Variants in XPO4 observed in about 807,000 individuals in gnomAD.
XPO4 encodes the protein exportin 4.
A neutral mutation model predicts 143.0 loss-of-function variants in XPO4; 39 were observed. The observed-to-expected ratio is 0.27, with a 90% confidence interval of 0.21 to 0.36. The LOEUF (loss-of-function observed/expected upper bound fraction) is 0.36. XPO4 is among the 10% of genes least tolerant of loss of function. The probability of loss-of-function intolerance (pLI) is 1.00; values close to 1 mark genes in which losing one functional copy is unlikely to be tolerated. For synonymous variants in XPO4, 439 were observed against 474.0 expected, an observed-to-expected ratio of 0.93 and a Z score of 0.96; for missense variants, 907 against 1,348.0, an observed-to-expected ratio of 0.67 and a Z score of 5.12.
Position 20,866,144 on chromosome 13 carries a change from T to A in XPO4, c.175+2452A>T, listed in dbSNP as rs1020172073. On this transcript the variant is annotated intron_variant, in intron 2 of 22. Transcript: ENST00000255305. ...TAAAGGAACATTTGATCCTAAAAAA[T>A]TTAAATTACTAAGTGCCAAAGACTT... 4 of 985,226 alleles carry A rather than the reference T, an allele frequency of 4.1e-6. No homozygotes were observed. The African/African-American group carries it at 5.2e-5, about 13-fold the overall frequency. 61.0% of individuals were successfully genotyped at this position (985,226 alleles called of 1,614,324 possible).
intron 7 of XPO4, among the ~76,000 whole-genome samples, chr13:20,824,389 T>C (rs2059758124): frequency 6.6e-6 from 1 of 152,194 alleles, no homozygotes; most frequent in Non-Finnish European, 1.5e-5. Flanking sequence ...ACAATAAGAA[T>C]ACATCTCACA....
chr13:20,807,160 G>C (rs1397262901), intron 13 of XPO4, among the ~76,000 whole-genome samples: 1 of 152,080 alleles, frequency 6.6e-6, no homozygotes, highest in Non-Finnish European at 1.5e-5. Context: ...CTCTCTGATG[G>C]ACAGGCGTTA....
intron 1 of XPO4, among the ~76,000 whole-genome samples, chr13:20,901,447 T>C (rs2060619668): frequency 6.6e-6 from 1 of 152,138 alleles, no homozygotes; most frequent in South Asian, 2.1e-4. Context: ...TACAAAACGC[T>C]CTATGTCAGG....
At chr13:20,855,032 T>C (rs1226458894) in intron 4 of XPO4, among the ~76,000 whole-genome samples, 2 of 152,214 alleles carry the variant, frequency 1.3e-5, no homozygotes, top group African/African-American at 4.8e-5. Context: ...GCTAACAATA[T>C]TATGGCATAT....
chr13:20,883,697 C>G (rs1348516564), intron 1 of XPO4, among the ~76,000 whole-genome samples: 1 of 152,174 alleles, frequency 6.6e-6, no homozygotes, highest in Non-Finnish European at 1.5e-5. Context: ...AAAGAAAATA[C>G]TTCAAGTAAA....
At chr13:20,815,192 CAG>C (rs1030272940) in intron 9 of XPO4, among the ~76,000 whole-genome samples, 24 of 152,172 alleles carry the variant, frequency 1.6e-4, no homozygotes, top group African/African-American at 5.6e-4. Context: ...AGGCAGAACA[CAG>C]AGGATTTTCA....
chr13:20,891,519 G>C (rs1209915846), intron 1 of XPO4, among the ~76,000 whole-genome samples: 3 of 152,048 alleles, frequency 2.0e-5, no homozygotes, highest in Non-Finnish European at 4.4e-5. Flanking sequence ...TTTTATCTTT[G>C]CACTAACTCC....
intron 4 of XPO4, among the ~76,000 whole-genome samples, chr13:20,844,487 C>A (rs1055262280): frequency 6.6e-6 from 1 of 152,040 alleles, no homozygotes; most frequent in African/African-American, 2.4e-5. Flanking sequence ...TGATTTTATT[C>A]CCAGACTAAA....
chr13:20,899,307 A>G (rs890897600), intron 1 of XPO4, among the ~76,000 whole-genome samples: 8 of 151,914 alleles, frequency 5.3e-5, no homozygotes, highest in African/African-American at 1.9e-4. Context: ...CATTTATAGT[A>G]TATGTTGACT....
chr13:20,814,736 G>A (rs1313282876), intron 9 of XPO4, among the ~76,000 whole-genome samples: 1 of 152,232 alleles, frequency 6.6e-6, no homozygotes, highest in Non-Finnish European at 1.5e-5. Context: ...CTGCCAGAGA[G>A]GCTTTGGAGA....
intron 4 of XPO4, chr13:20,851,134 C>T: frequency 2.0e-6 from 2 of 985,178 alleles, no homozygotes; most frequent in Middle Eastern, 5.2e-4. Context: ...ATTCTTGAAC[C>T]ACTTACAAAT....
intron 1 of XPO4, among the ~76,000 whole-genome samples, chr13:20,882,321 C>T (rs1012845128): frequency 5.9e-5 from 9 of 152,136 alleles, no homozygotes; most frequent in Admixed American, 5.2e-4. Flanking sequence ...GTACCAACAT[C>T]TGCTCAGCTT....
At position 20,790,574 on chromosome 13, in the gene XPO4, A is replaced by G. The variant is rs760290607; in HGVS notation, c.2804T>C (p.Val935Ala). The G allele has an allele frequency of 6.2e-7, 1 of 1,613,146 alleles. No individual in the cohort carries two copies. The highest frequency in any genetic ancestry group is 1.7e-5 in the Admixed American group (1 of 59,974). ...TTGACCTGGCTCATGTCCTCTAAAC[A>G]CTTCATCTATTAAAATAAAAGGATG... ...EFIDFSDTDEVFRGHEPGQAA... is the reference protein window; with the variant it reads ...EFIDFSDTDEAFRGHEPGQAA... Residue 935 changes from valine to alanine, a missense_variant, in exon 19 of 23, where the codon GTG becomes GCG. Transcript: ENST00000255305.
intron 16 of XPO4, among the ~76,000 whole-genome samples, chr13:20,797,664 A>G (rs2059376026): frequency 6.6e-6 from 1 of 152,196 alleles, no homozygotes; most frequent in Non-Finnish European, 1.5e-5. Context: ...TAATTCCATT[A>G]CTGTGCCCCT....
In XPO4 at chr13:20,813,731, G is replaced by A. The variant is rs146096857; in HGVS notation, c.1174-3764C>T. 7.2e-3 allele frequency among the ~76,000 whole-genome samples: 1,094 copies of A among 152,236 alleles called. 5 individuals carry two copies. Among genetic ancestry groups the A allele is most frequent in the Admixed American group, 0.013 (192 of 15,298 alleles). On this transcript the variant is annotated intron_variant, in intron 9 of 22. Transcript: ENST00000255305. Reference sequence around the variant, plus strand: ...CCAGCACTTTGGAAGGCTGAAATAGGTGGATCACCTGAAATCAGGAGTTCA... The same window carrying A: ...CCAGCACTTTGGAAGGCTGAAATAGATGGATCACCTGAAATCAGGAGTTCA...
chr13:20,791,790 T>G (rs1210294229), intron 18 of XPO4, among the ~76,000 whole-genome samples: 1 of 152,218 alleles, frequency 6.6e-6, no homozygotes, highest in Non-Finnish European at 1.5e-5. Context: ...TTTTTTCTAT[T>G]AAGGGCATAT....
At chr13:20,784,084 A>G (rs529165971) in intron 22 of XPO4, among the ~76,000 whole-genome samples, 165 bp from the exon 23 acceptor site, 1 of 152,190 alleles carries the variant, frequency 6.6e-6, no homozygotes, top group Non-Finnish European at 1.5e-5. Flanking sequence ...AACCTTTTAC[A>G]TGGATTAATT....
In XPO4 at chr13:20,796,274, G is replaced by C; in HGVS notation, c.2617-18C>G. 1 of 1,440,052 alleles carries C rather than the reference G, an allele frequency of 6.9e-7. No individual in the cohort carries two copies. 89.2% of individuals were successfully genotyped at this position (1,440,052 alleles called of 1,614,324 possible). On this transcript the variant is annotated intron_variant, in intron 17 of 22. Transcript: ENST00000255305. ...GCTTTGGACTGAAAAAAAAAAAAATGCACAAATTATGCTACTTGGTACACT... is the reference window on the plus strand; with the variant it reads ...GCTTTGGACTGAAAAAAAAAAAAATCCACAAATTATGCTACTTGGTACACT...
At chr13:20,811,144 C>T (rs959346766) in intron 9 of XPO4, among the ~76,000 whole-genome samples, 1 of 151,934 alleles carries the variant, frequency 6.6e-6, no homozygotes, top group South Asian at 2.1e-4. Context: ...AGTGATGGGT[C>T]CTGACATAAC....
Sources: allele counts gnomAD v4.1 joint callset (sites outside exome capture counted in the v4.1 genomes callset), GRCh38; gene constraint gnomAD v4.1.1; transcripts MANE v1.5; gene names NCBI Gene and HGNC (gene_info 2026-07-23, HGNC 2026-07-21).